Variants in PCBP3 observed in about 807,000 individuals in gnomAD.
PCBP3 encodes poly(rC) binding protein 3.
Under a neutral mutation model 52.7 loss-of-function variants are expected in PCBP3, and 25 were observed. That is an observed-to-expected ratio of 0.47 (90% CI 0.35 to 0.66). The LOEUF (loss-of-function observed/expected upper bound fraction) is 0.66. PCBP3 is among the 30% of genes least tolerant of loss of function. The pLI, the probability that PCBP3 is intolerant of heterozygous loss-of-function variation, is 0.01. For missense variants in PCBP3, 391 were observed against 490.3 expected (o/e 0.80, Z 1.91); for synonymous variants, 162 against 183.0 (o/e 0.89, Z 0.93).
intron 2 of PCBP3, among the ~76,000 whole-genome samples, chr21:45,714,133 C>A (rs904127339): frequency 6.6e-6 from 1 of 152,160 alleles, no homozygotes; most frequent in African/African-American, 2.4e-5. Flanking sequence ...TTGGTTGCGC[C>A]TCCATTTCCC....
chr21:45,811,261 G>A (rs1173532012), intron 4 of PCBP3, among the ~76,000 whole-genome samples: 1 of 152,146 alleles, frequency 6.6e-6, no homozygotes, highest in Non-Finnish European at 1.5e-5. Context: ...TGAGAGCCCC[G>A]ACAGCAGGAG....
chr21:45,655,378 A>G (rs1389896676), intron 1 of PCBP3, among the ~76,000 whole-genome samples: 2 of 152,124 alleles, frequency 1.3e-5, no homozygotes, highest in African/African-American at 4.8e-5. Context: ...TTATATTCCC[A>G]TCAGTAATTT....
chr21:45,933,748 C>G (rs3746991), intron 15 of PCBP3, among the ~76,000 whole-genome samples: 7,789 of 152,136 alleles, frequency 0.051, 461 homozygotes, highest in African/African-American at 0.14. Context: ...TGGACGGTCC[C>G]ACAGGACCAC....
At chr21:45,925,325 A>G (rs930505376) in intron 13 of PCBP3, among the ~76,000 whole-genome samples, 1 of 152,264 alleles carries the variant, frequency 6.6e-6, no homozygotes, top group African/African-American at 2.4e-5. Flanking sequence ...AAGAAGTCCG[A>G]TATGTAACCT....
At chr21:45,700,680 G>A (rs1015745645) in intron 2 of PCBP3, among the ~76,000 whole-genome samples, 3 of 152,090 alleles carry the variant, frequency 2.0e-5, no homozygotes, top group Admixed American at 1.3e-4. Flanking sequence ...TCCATGTCCC[G>A]ATACCAGGCA....
chr21:45,935,258 G>A lies in PCBP3; in HGVS notation c.862G>A (p.Asp288Asn), dbSNP rs977481852. The change falls in exon 16 of 18, where the codon GAC (aspartate) becomes AAC (asparagine). Residue 288 changes from aspartate to asparagine, a missense_variant. Transcript: ENST00000681687. Reference sequence around the variant, plus strand: ...TGTCCCCTTGGTATACCCAGGTCTGGACGCCAGCCCACCGGCCAGCACTCA... The same window carrying A: ...TGTCCCCTTGGTATACCCAGGTCTGAACGCCAGCCCACCGGCCAGCACTCA... ...QNLMGQSSGL[D>N]ASPPASTHEL... 16 of 1,611,958 alleles carry A rather than the reference G, an allele frequency of 9.9e-6. No homozygotes were observed. Among genetic ancestry groups the A allele is most frequent in the Non-Finnish European group, 1.4e-5 (16 of 1,179,030 alleles).
At chr21:45,850,678 T>C (rs545615507) in intron 5 of PCBP3, among the ~76,000 whole-genome samples, 10 of 152,248 alleles carry the variant, frequency 6.6e-5, no homozygotes, top group Non-Finnish European at 1.3e-4. Context: ...TATTAATATC[T>C]TAAGCAATAT....
chr21:45,862,516 C>T (rs1237270583), intron 5 of PCBP3, among the ~76,000 whole-genome samples: 1 of 152,178 alleles, frequency 6.6e-6, no homozygotes, highest in African/African-American at 2.4e-5. Context: ...AACCGTGGTC[C>T]TTCTGGGTAA....
In PCBP3 at chr21:45,688,386, ATTC is replaced by A. The variant is rs998488595; in HGVS notation, c.-200+19440_-200+19442del. 2.6e-5 allele frequency among the ~76,000 whole-genome samples: 4 copies of A among 152,186 alleles called. No individual in the cohort carries two copies. The South Asian group carries it at 6.2e-4, about 24-fold the overall frequency. On this transcript the variant is annotated intron_variant, in intron 2 of 17. Transcript: ENST00000681687. ...ATAAGGTTATTGATAAGAACATGAG[ATTC>A]TTCTTATGATTTTTGCAACTTCTGG...
chr21:45,933,943 G>A (rs546910387), intron 15 of PCBP3, among the ~76,000 whole-genome samples: 1 of 152,294 alleles, frequency 6.6e-6, no homozygotes, highest in South Asian at 2.1e-4. Flanking sequence ...CAGGAGCTGT[G>A]TGGCTTTAAC....
intron 3 of PCBP3, chr21:45,744,393 GCT>G (rs1373441360): frequency 6.6e-6 from 1 of 151,926 alleles, no homozygotes; most frequent in African/African-American, 2.4e-5. Context: ...CTGGGGTCTT[GCT>G]TAGATGCTCA....
chr21:45,842,180 T>G (rs1238647782), intron 4 of PCBP3, among the ~76,000 whole-genome samples: 1 of 152,216 alleles, frequency 6.6e-6, no homozygotes, highest in African/African-American at 2.4e-5. Flanking sequence ...TGGCTTAAAT[T>G]TCCAGTGAAC....
intron 5 of PCBP3, among the ~76,000 whole-genome samples, chr21:45,889,317 C>G (rs1183332276): frequency 6.6e-6 from 1 of 152,218 alleles, no homozygotes; most frequent in Non-Finnish European, 1.5e-5. Context: ...CTGCAAAAGT[C>G]GTTAAATCAC....
At chr21:45,938,322 G>A (rs918190050) in intron 16 of PCBP3, among the ~76,000 whole-genome samples, 2 of 152,216 alleles carry the variant, frequency 1.3e-5, no homozygotes, top group Non-Finnish European at 2.9e-5. Flanking sequence ...TATAGGAAGT[G>A]GGGCAGTGCG....
chr21:45,732,650 T>C (rs2085546747), intron 2 of PCBP3: 1 of 152,170 alleles, frequency 6.6e-6, no homozygotes, highest in South Asian at 2.1e-4. Context: ...TGAAAACTTT[T>C]TGTAATTTTT....
chr21:45,910,185 C>G (rs1207964614), intron 10 of PCBP3, among the ~76,000 whole-genome samples: 1 of 62,318 alleles, frequency 1.6e-5, no homozygotes, highest in South Asian at 8.9e-4. Context: ...ATACGGACCC[C>G]CCCCACCCAC....
intron 5 of PCBP3, among the ~76,000 whole-genome samples, chr21:45,855,519 C>T (rs1053038339): frequency 3.3e-5 from 5 of 152,358 alleles, no homozygotes; most frequent in Admixed American, 2.0e-4. Context: ...AAACAACCAA[C>T]GTGGGAACCA....
chr21:45,724,356 G>A lies in PCBP3; in HGVS notation c.-199-11036G>A, dbSNP rs1203875661. 1.3e-5 allele frequency among the ~76,000 whole-genome samples: 2 copies of A among 151,948 alleles called. No individual in the cohort carries two copies. The highest frequency in any genetic ancestry group is 2.9e-5 in the Non-Finnish European group (2 of 67,988). ...TTATGAGAATGCAGTCTTTGGAAGT[G>A]GTGGGCTAAAACACTCCACAGGGTG... On this transcript the variant is annotated intron_variant, in intron 2 of 17. Transcript: ENST00000681687. This position sits in a 1 kb window ranked among gnomAD's most constrained non-coding sequence, Gnocchi z 5.3.
Position 45,917,264 on chromosome 21 carries a change from GGA to G in PCBP3, c.676-321_676-320del, listed in dbSNP as rs10577697. On this transcript the variant is annotated intron_variant, in intron 12 of 17. Coordinates refer to ENST00000681687, the MANE Select transcript of PCBP3 (RefSeq NM_001384156.1). This position sits in a 1 kb window ranked among gnomAD's most constrained non-coding sequence, Gnocchi z 5.3. ...AATTTTCAAAACCGTAATAATTAGT[GGA>G]GACCTCTTACTGGGCAGATCACTCT... is the stretch of plus-strand genomic sequence containing the variant. 111,291 of 285,666 alleles carry G rather than the reference GGA, an allele frequency of 0.39. 26,570 individuals are homozygous for G. Among genetic ancestry groups the G allele is most frequent in the African/African-American group, 0.71 (32,232 of 45,424 alleles). 17.7% of individuals were successfully genotyped at this position (285,666 alleles called of 1,614,324 possible).
Sources: gnomAD v4.1 joint callset for allele counts (sites outside exome capture counted in the v4.1 genomes callset) on GRCh38, gnomAD v4.1.1 for gene constraint, Gnocchi (gnomAD v3.1) non-coding constraint, MANE v1.5 for transcripts, NCBI Gene and HGNC (gene_info 2026-07-23, HGNC 2026-07-21) for gene names.